Variants in SPMAP2L observed in about 807,000 individuals in gnomAD.
SPMAP2L encodes the protein sperm microtubule associated protein 2-like.
the SPMAP2L span, among the ~76,000 whole-genome samples, chr4:56,592,683 G>A: frequency 1.3e-5 from 2 of 152,052 alleles, no homozygotes; most frequent in Admixed American, 1.3e-4. Context: ...AGGGCGTTGG[G>A]GCTGCTCCTG....
At chr4:56,552,805 T>C in the SPMAP2L span, among the ~76,000 whole-genome samples, 2 of 152,194 alleles carry the variant, frequency 1.3e-5, no homozygotes, top group East Asian at 3.9e-4. Context: ...TGGAATCACC[T>C]GGGGAACTTT....
the SPMAP2L span, among the ~76,000 whole-genome samples, chr4:56,564,929 T>A: frequency 2.0e-5 from 3 of 152,200 alleles, no homozygotes; most frequent in Non-Finnish European, 2.9e-5. Flanking sequence ...GAGCCATGGA[T>A]ATTAGATGTA....
At chr4:56,620,113 TGCATGGGAAATGCTAGAC>T in the SPMAP2L span, among the ~76,000 whole-genome samples, 1 of 152,210 alleles carries the variant, frequency 6.6e-6, no homozygotes, top group Non-Finnish European at 1.5e-5. Flanking sequence ...CTGTAAATCC[TGCATGGGAAATGCTAGAC>T]CAGGGCCACA....
At chr4:56,609,050 CTTTTTTTTTT>C in the SPMAP2L span, among the ~76,000 whole-genome samples, 2 of 115,618 alleles carry the variant, frequency 1.7e-5, no homozygotes, top group Admixed American at 1.8e-4. Flanking sequence ...TTCTTTCTTT[CTTTTTTTTTT>C]TTTTTTTGAG....
the SPMAP2L span, among the ~76,000 whole-genome samples, chr4:56,546,534 A>G: frequency 3.9e-5 from 6 of 152,350 alleles, no homozygotes; most frequent in East Asian, 1.9e-4. Context: ...GGAAACCACT[A>G]TAACACTGCT....
At chr4:56,552,481 C>A in the SPMAP2L span, 2 of 738,026 alleles carry the variant, frequency 2.7e-6, no homozygotes, top group Non-Finnish European at 4.5e-6. Context: ...CTCCTATGAG[C>A]AGGAGTCATC....
the SPMAP2L span, among the ~76,000 whole-genome samples, chr4:56,570,520 A>G: frequency 1.3e-5 from 2 of 152,202 alleles, no homozygotes. Flanking sequence ...ATCTAAACAT[A>G]TCTAAACATA....
chr4:56,580,067 A>G, the SPMAP2L span, among the ~76,000 whole-genome samples: 3 of 152,206 alleles, frequency 2.0e-5, no homozygotes, highest in Admixed American at 2.0e-4. Context: ...AACTCATTCT[A>G]TGAGGACTTG....
the SPMAP2L span, among the ~76,000 whole-genome samples, chr4:56,564,759 C>T: frequency 6.6e-6 from 1 of 152,028 alleles, no homozygotes; most frequent in South Asian, 2.1e-4. Context: ...AAACTGAGAT[C>T]GTTGACTTGA....
At chr4:56,600,906 T>A in the SPMAP2L span, 1 of 1,521,174 alleles carries the variant, frequency 6.6e-7, no homozygotes, top group Non-Finnish European at 8.8e-7. Flanking sequence ...TTGGGATATA[T>A]TTTTGTGTCT....
chr4:56,538,728 G>A, the SPMAP2L span, among the ~76,000 whole-genome samples: 7 of 152,244 alleles, frequency 4.6e-5, no homozygotes, highest in South Asian at 2.1e-4. Flanking sequence ...ACTTGAATCC[G>A]GGAGGTGGAG....
At chr4:56,551,215 A>G in the SPMAP2L span, among the ~76,000 whole-genome samples, 1 of 152,212 alleles carries the variant, frequency 6.6e-6, no homozygotes, top group Non-Finnish European at 1.5e-5. Context: ...GCTTTTCCTT[A>G]TCACCTGCCT....
At chr4:56,532,379 T>TA in the SPMAP2L span, among the ~76,000 whole-genome samples, 1,217 of 151,110 alleles carry the variant, frequency 8.1e-3, 11 homozygotes, top group African/African-American at 0.027. Context: ...CCTTTTTTTT[T>TA]AATGAAAAGC....
At chr4:56,531,082 A>G in the SPMAP2L span, 4 of 1,535,454 alleles carry the variant, frequency 2.6e-6, no homozygotes, top group South Asian at 3.6e-5. Context: ...GGCCAAGGAA[A>G]CCGAGTTGCT....
At chr4:56,543,875 TGAGA>T in the SPMAP2L span, among the ~76,000 whole-genome samples, 100 of 121,436 alleles carry the variant, frequency 8.2e-4, no homozygotes, top group South Asian at 2.7e-3. Flanking sequence ...TAGCATATAT[TGAGA>T]GAGAGAGAGA....
chr4:56,543,139 A>G, the SPMAP2L span, among the ~76,000 whole-genome samples: 4 of 150,756 alleles, frequency 2.7e-5, no homozygotes, highest in South Asian at 8.4e-4. Flanking sequence ...GCTGGAGTGC[A>G]GGGGTGCGAT....
the SPMAP2L span, chr4:56,593,121 C>T: frequency 6.3e-7 from 1 of 1,578,774 alleles, no homozygotes; most frequent in Non-Finnish European, 8.7e-7. Context: ...CTGGAGAACT[C>T]AGGATGGATC....
chr4:56,537,177 C>T, the SPMAP2L span, among the ~76,000 whole-genome samples: 1 of 152,222 alleles, frequency 6.6e-6, no homozygotes, highest in Non-Finnish European at 1.5e-5. Context: ...ATCCACCTGA[C>T]TGTTTCTCCT....
chr4:56,609,678 C>T, the SPMAP2L span, among the ~76,000 whole-genome samples: 7 of 152,106 alleles, frequency 4.6e-5, no homozygotes, highest in Admixed American at 3.3e-4. Context: ...ATGATTAGGT[C>T]ATAAGGGCTA....
Sources: allele counts gnomAD v4.1 joint callset (sites outside exome capture counted in the v4.1 genomes callset), GRCh38; gene constraint gnomAD v4.1.1; transcripts MANE v1.5; gene names NCBI Gene and HGNC (gene_info 2026-07-23, HGNC 2026-07-21).